Variants in LARS1 observed in about 807,000 individuals in gnomAD.
LARS1 encodes leucyl-tRNA synthetase 1.
LARS1 carries 100 observed loss-of-function variants against 162.8 expected under a neutral mutation model. The observed-to-expected ratio is 0.61, with a 90% CI of 0.52 to 0.73. The LOEUF (loss-of-function observed/expected upper bound fraction) is 0.73. LARS1 is among the 30% of genes least tolerant of loss of function. The pLI, the probability that LARS1 is intolerant of heterozygous loss-of-function variation, is 0.00. For synonymous variants in LARS1, 457 were observed against 462.8 expected (o/e 0.99, Z 0.16); for missense variants, 1,258 against 1,408.9 (o/e 0.89, Z 1.71).
At chr5:146,156,341 A>C (rs201928370) in intron 10 of LARS1, among the ~76,000 whole-genome samples, 1 of 152,204 alleles carries the variant, frequency 6.6e-6, no homozygotes, top group Non-Finnish European at 1.5e-5. Context: ...AAAATTATTT[A>C]AGATACCAAA....
At chr5:146,160,510 G>T in intron 6 of LARS1, 24 bp from the exon 7 acceptor site, 2 of 1,284,274 alleles carry the variant, frequency 1.6e-6, no homozygotes, top group Non-Finnish European at 2.1e-6. Context: ...ATTTTAAAAG[G>T]CAATTACTGA....
intron 1 of LARS1, 121 bp downstream of exon 1, chr5:146,182,367 C>G: frequency 7.7e-7 from 1 of 1,300,032 alleles, no homozygotes; most frequent in Non-Finnish European, 1.1e-6. Flanking sequence ...ACGAAAGGCA[C>G]GCCTTAAGCG....
At position 146,151,755 on chromosome 5, in the gene LARS1, T is replaced by G. The variant is rs935459350; in HGVS notation, c.1425+107A>C. On this transcript the variant is annotated intron_variant, in intron 14 of 31. Transcript: ENST00000394434. ...TACATTCTCATATTAAGCTCTCAAA[T>G]CAATGTATAGCTGAAACTATGTTAA... 1.3e-5 allele frequency: 14 copies of G among 1,037,630 alleles called. No individual in the cohort carries two copies. In the African/African-American group the frequency reaches 2.2e-4, roughly 17 times the overall value. 64.3% of individuals were successfully genotyped at this position (1,037,630 alleles called of 1,614,324 possible).
At chr5:146,130,382 TACAG>T (rs1752226917) in intron 24 of LARS1, 4 of 523,944 alleles carry the variant, frequency 7.6e-6, no homozygotes, top group South Asian at 4.7e-5. Context: ...AGAATTTTTT[TACAG>T]ACAGTTTGTA....
At chr5:146,150,349 G>A (rs1023164020) in intron 14 of LARS1, among the ~76,000 whole-genome samples, 1 of 151,980 alleles carries the variant, frequency 6.6e-6, no homozygotes, top group Non-Finnish European at 1.5e-5. Flanking sequence ...TTCTATCTTA[G>A]GTAGAAAAGA....
At chr5:146,123,129 C>G (rs1751899623) in intron 29 of LARS1, among the ~76,000 whole-genome samples, 1 of 151,968 alleles carries the variant, frequency 6.6e-6, no homozygotes, top group Non-Finnish European at 1.5e-5. Context: ...ATTTCATTAA[C>G]TCATTTAAAA....
chr5:146,124,904 ATT>A (rs1751979288), intron 28 of LARS1, among the ~76,000 whole-genome samples: 1 of 151,796 alleles, frequency 6.6e-6, no homozygotes, highest in Non-Finnish European at 1.5e-5. Flanking sequence ...CACCAACATA[ATT>A]TTAAAAATAT....
At chr5:146,179,309 G>A (rs568779727) in intron 1 of LARS1, among the ~76,000 whole-genome samples, 5 of 152,068 alleles carry the variant, frequency 3.3e-5, no homozygotes, top group Non-Finnish European at 5.9e-5. Flanking sequence ...TTACAGGTGC[G>A]TGCCACCATA....
intron 28 of LARS1, among the ~76,000 whole-genome samples, chr5:146,124,946 C>T (rs1281613741): frequency 6.6e-6 from 1 of 151,614 alleles, no homozygotes; most frequent in Non-Finnish European, 1.5e-5. Context: ...GATGCTGGTT[C>T]TTCAAATTTA....
At chr5:146,136,775 C>G (rs1361601452) in intron 21 of LARS1, among the ~76,000 whole-genome samples, 1 of 152,112 alleles carries the variant, frequency 6.6e-6, no homozygotes, top group Non-Finnish European at 1.5e-5. Context: ...GCCACCGCAC[C>G]CGGCCACAGA....
chr5:146,175,155 G>A (rs62373809), intron 2 of LARS1, among the ~76,000 whole-genome samples: 33,813 of 151,866 alleles, frequency 0.22, 4,830 homozygotes, highest in Admixed American at 0.34. Flanking sequence ...GGAGACAGAG[G>A]TTGCAGTGAG....
At chr5:146,173,759 T>C (rs1235502813) in intron 2 of LARS1, among the ~76,000 whole-genome samples, 1 of 152,134 alleles carries the variant, frequency 6.6e-6, no homozygotes, top group African/African-American at 2.4e-5. Context: ...CTGTTTCCTC[T>C]CTACTGTCCC....
In LARS1 at chr5:146,114,204, C is replaced by T. The variant is rs770404048; in HGVS notation, c.3433G>A (p.Ala1145Thr). 40 of 1,613,658 alleles carry T rather than the reference C, an allele frequency of 2.5e-5. No individual in the cohort carries two copies. The highest frequency in any genetic ancestry group is 3.3e-5 in the Non-Finnish European group (39 of 1,179,944). The change falls in exon 32 of 32, where the codon GCT (alanine) becomes ACT (threonine). Residue 1145 changes from alanine to threonine, a missense_variant. By Grantham distance (58) the Ala-to-Thr change is moderately conservative (BLOSUM62 0). Transcript: ENST00000394434. Reference sequence around the variant, plus strand: ...CTCATGAGGTCCACATTGAAAACAGCATGCTCAGAAATGGGGGTCTTCTCG... The same window carrying T: ...CTCATGAGGTCCACATTGAAAACAGTATGCTCAGAAATGGGGGTCTTCTCG... ...YTEKTPISEH[A>T]VFNVDLMSKK...
intron 8 of LARS1, 76 bp from the exon 9 acceptor site, chr5:146,157,871 C>T (rs1753603836): frequency 7.2e-7 from 1 of 1,393,306 alleles, no homozygotes; most frequent in Non-Finnish European, 1.0e-6. Flanking sequence ...TGTGAGAGAT[C>T]TGATTCAAGT....
chr5:146,168,446 C>A (rs1754119403), intron 4 of LARS1, among the ~76,000 whole-genome samples, 181 bp from the exon 5 acceptor site: 1 of 152,190 alleles, frequency 6.6e-6, no homozygotes, highest in African/African-American at 2.4e-5. Flanking sequence ...GCCTATAATC[C>A]CAGCACCTTG....
At chr5:146,166,355 T>G (rs1214024756) in intron 5 of LARS1, among the ~76,000 whole-genome samples, 1 of 152,048 alleles carries the variant, frequency 6.6e-6, no homozygotes, top group East Asian at 1.9e-4. Flanking sequence ...TTTATTCTAA[T>G]AAAAAAGAAC....
At chr5:146,175,138 G>A (rs1754496149) in intron 2 of LARS1, among the ~76,000 whole-genome samples, 1 of 151,954 alleles carries the variant, frequency 6.6e-6, no homozygotes, top group Non-Finnish European at 1.5e-5. Context: ...AGGATCACCT[G>A]AGCCCAGGAG....
intron 20 of LARS1, among the ~76,000 whole-genome samples, chr5:146,141,069 G>A (rs997810757): frequency 2.6e-5 from 4 of 152,136 alleles, no homozygotes; most frequent in Admixed American, 6.5e-5. Context: ...AAGGATGAAA[G>A]TTCACTTTTA....
intron 27 of LARS1, among the ~76,000 whole-genome samples, chr5:146,127,773 T>C (rs538203001): frequency 7.2e-5 from 11 of 152,216 alleles, no homozygotes; most frequent in African/African-American, 1.2e-4. Context: ...TCCACAAAAA[T>C]AGACTCACAA....
Sources: gnomAD v4.1 joint callset for allele counts (sites outside exome capture counted in the v4.1 genomes callset) on GRCh38, gnomAD v4.1.1 for gene constraint, MANE v1.5 for transcripts, NCBI Gene and HGNC (gene_info 2026-07-23, HGNC 2026-07-21) for gene names.